Variants in MAPK10 observed in about 807,000 individuals in gnomAD.
MAPK10 encodes the protein JNK3 alpha protein kinase.
A neutral mutation model predicts 59.3 loss-of-function variants in MAPK10; 25 were observed. The ratio of observed to expected loss-of-function variants is 0.42; its 90% CI spans 0.31 to 0.59. MAPK10 has a LOEUF of 0.59. Ranked by LOEUF, MAPK10 falls within the 20% of genes least tolerant of loss-of-function variation. The probability of loss-of-function intolerance (pLI) is 0.15; values close to 1 mark genes in which losing one functional copy is unlikely to be tolerated. For synonymous variants in MAPK10, 190 were observed against 200.5 expected (o/e 0.95, Z 0.44); for missense variants, 351 against 568.9 (o/e 0.62, Z 3.90).
chr4:86,233,536 C>T (rs960707392), intron 2 of MAPK10, among the ~76,000 whole-genome samples: 1 of 152,124 alleles, frequency 6.6e-6, no homozygotes, highest in Non-Finnish European at 1.5e-5. Flanking sequence ...TGGTGCCAAG[C>T]AAGTGCTTGG....
chr4:86,262,563 C>A (rs927342217), intron 2 of MAPK10, among the ~76,000 whole-genome samples: 1 of 152,130 alleles, frequency 6.6e-6, no homozygotes, highest in Non-Finnish European at 1.5e-5. Context: ...TGACTAGGCT[C>A]CTAGTGTGTA....
intron 3 of MAPK10, among the ~76,000 whole-genome samples, chr4:86,180,077 C>A (rs2076557970): frequency 6.6e-6 from 1 of 151,940 alleles, no homozygotes; most frequent in Non-Finnish European, 1.5e-5. Context: ...TATTTTCAAA[C>A]TATTGATTCC....
intron 1 of MAPK10, among the ~76,000 whole-genome samples, chr4:86,563,416 T>G (rs989480984): frequency 6.6e-6 from 1 of 152,166 alleles, no homozygotes; most frequent in African/African-American, 2.4e-5. Context: ...ATCAGAATAT[T>G]TGAAAAAGAA....
intron 1 of MAPK10, among the ~76,000 whole-genome samples, chr4:86,404,043 C>T (rs966830848): frequency 1.3e-5 from 2 of 152,122 alleles, no homozygotes; most frequent in African/African-American, 4.8e-5. Context: ...AAGTAATAAT[C>T]ATATTGTCAT....
chr4:86,069,994 T>G (rs1293204375), intron 9 of MAPK10, among the ~76,000 whole-genome samples: 1 of 152,234 alleles, frequency 6.6e-6, no homozygotes, highest in East Asian at 1.9e-4. Flanking sequence ...TTAAAATGTT[T>G]CTTGTAATAA....
rs534846382 is a variant in MAPK10 at position 86,133,880 on chromosome 4, A to T, written c.236+25418T>A. ...AAGCATTGGTAGTCCATAAATAATG[A>T]TTCTCGGGTAACAAAAAAATATGTA... On this transcript the variant is annotated intron_variant, in intron 4 of 13. Transcript: ENST00000641462. Among the ~76,000 whole-genome samples, 3 of 152,346 alleles carry T rather than the reference A, an allele frequency of 2.0e-5. No homozygotes were observed. The East Asian group carries it at 5.8e-4, about 29-fold the overall frequency.
chr4:86,103,117 G>GTGTGGT (rs1553989212), intron 6 of MAPK10, 69 bp downstream of exon 6: 8 of 743,220 alleles, frequency 1.1e-5, no homozygotes, highest in South Asian at 9.0e-5. Flanking sequence ...GTGTGTGTGT[G>GTGTGGT]GTGTGTGATT....
At chr4:86,035,449 G>A (rs2040073600) in intron 11 of MAPK10, among the ~76,000 whole-genome samples, 1 of 149,552 alleles carries the variant, frequency 6.7e-6, no homozygotes, top group East Asian at 2.0e-4. Flanking sequence ...ACTGAGGAAT[G>A]TAAGAGAACG....
chr4:86,356,546 T>C (rs1353963168), intron 1 of MAPK10: 28 of 666,108 alleles, frequency 4.2e-5, no homozygotes, highest in Non-Finnish European at 4.8e-5. Context: ...ACAAAAGATA[T>C]GCAAAACACA....
At chr4:86,110,108 G>T (rs2057234663) in intron 4 of MAPK10, among the ~76,000 whole-genome samples, 1 of 151,918 alleles carries the variant, frequency 6.6e-6, no homozygotes, top group Non-Finnish European at 1.5e-5. Flanking sequence ...TAAATTTCTT[G>T]TAGACTCTGG....
intron 2 of MAPK10, among the ~76,000 whole-genome samples, chr4:86,225,801 A>G (rs1224938630): frequency 6.6e-6 from 1 of 152,218 alleles, no homozygotes; most frequent in African/African-American, 2.4e-5. Flanking sequence ...AAGGCAGTGC[A>G]CTATTGGTGC....
chr4:86,260,523 A>G (rs781659283), intron 2 of MAPK10, among the ~76,000 whole-genome samples: 4 of 152,230 alleles, frequency 2.6e-5, no homozygotes, highest in African/African-American at 4.8e-5. Flanking sequence ...AGGACCTTAA[A>G]GATAATATTA....
At chr4:86,194,680 A>C (rs2080871654) in intron 2 of MAPK10, among the ~76,000 whole-genome samples, 1 of 152,034 alleles carries the variant, frequency 6.6e-6, no homozygotes, top group African/African-American at 2.4e-5. Flanking sequence ...TTAAAGGGAA[A>C]TACATCCTGT....
At chr4:86,342,750 A>T (rs1055364255) in intron 2 of MAPK10, among the ~76,000 whole-genome samples, 1 of 152,128 alleles carries the variant, frequency 6.6e-6, no homozygotes, top group Non-Finnish European at 1.5e-5. Context: ...ACTCCAAATT[A>T]TCTGAGACAT....
intron 2 of MAPK10, among the ~76,000 whole-genome samples, chr4:86,292,092 T>C (rs914649701): frequency 6.6e-6 from 1 of 152,164 alleles, no homozygotes; most frequent in Non-Finnish European, 1.5e-5. Context: ...TTATAGGAAG[T>C]TCACCAATTT....
intron 4 of MAPK10, among the ~76,000 whole-genome samples, chr4:86,111,913 A>G (rs2057543640): frequency 6.6e-6 from 1 of 152,102 alleles, no homozygotes. Flanking sequence ...TTATTGGTCT[A>G]TTCAGGGATT....
intron 3 of MAPK10, among the ~76,000 whole-genome samples, chr4:86,178,963 G>C (rs911462365): frequency 6.6e-6 from 1 of 152,110 alleles, no homozygotes; most frequent in Non-Finnish European, 1.5e-5. Context: ...AGCACTTTGG[G>C]AGGCCAAGGT....
At chr4:86,498,420 G>A (rs780692777) in intron 1 of MAPK10, among the ~76,000 whole-genome samples, 1 of 152,082 alleles carries the variant, frequency 6.6e-6, no homozygotes, top group Non-Finnish European at 1.5e-5. Flanking sequence ...CAAACACAAG[G>A]AGTAACAACA....
intron 4 of MAPK10, chr4:86,124,702 T>C (rs778790610): frequency 3.3e-5 from 5 of 152,080 alleles, no homozygotes; most frequent in African/African-American, 7.2e-5. Flanking sequence ...TGAGATTCCA[T>C]AATCATACTT....
Sources: gnomAD v4.1 joint callset for allele counts (sites outside exome capture counted in the v4.1 genomes callset) on GRCh38, gnomAD v4.1.1 for gene constraint, MANE v1.5 for transcripts, NCBI Gene and HGNC (gene_info 2026-07-23, HGNC 2026-07-21) for gene names.